The following XPR1 variants were observed in gnomAD, a reference collection of about 807,000 sequenced individuals.
XPR1 encodes the protein solute carrier family 53 member 1.
XPR1 carries 28 observed loss-of-function variants against 87.5 expected under a neutral mutation model. The ratio of observed to expected loss-of-function variants is 0.32; its 90% CI spans 0.24 to 0.44. The LOEUF is 0.44. Among genes scored for constraint, XPR1 ranks in the 20% least tolerant of loss-of-function variants. The probability of loss-of-function intolerance (pLI) is 1.00; values close to 1 mark genes in which losing one functional copy is unlikely to be tolerated. For missense variants in XPR1, 559 were observed against 862.3 expected, an observed-to-expected ratio of 0.65 and a Z score of 4.41; for synonymous variants, 300 against 306.1, an observed-to-expected ratio of 0.98 and a Z score of 0.21.
chr1:180,840,178 G>T (rs915591627), intron 11 of XPR1, among the ~76,000 whole-genome samples: 29 of 142,792 alleles, frequency 2.0e-4, no homozygotes, highest in Admixed American at 7.3e-4. Context: ...AGCCGAGATT[G>T]CGCCACTGCA....
Position 180,880,062 on chromosome 1 carries a change from C to T in XPR1, c.1809-14C>T. The T allele has an allele frequency of 1.9e-6, 3 of 1,613,808 alleles. No homozygotes were observed. Among genetic ancestry groups the T allele is most frequent in the Non-Finnish European group, 2.5e-6 (3 of 1,179,834 alleles). ...CAATTTCATAAGTACTTTGATCTAC[C>T]CCATTTTGCTAAGGCGATTTGTGTG... On this transcript the variant is annotated splice_polypyrimidine_tract_variant and intron_variant, in intron 13 of 14. Coordinates refer to ENST00000367590, the MANE Select transcript of XPR1 (RefSeq NM_004736.4).
chr1:180,865,810 C>T (rs73045796), intron 12 of XPR1, among the ~76,000 whole-genome samples: 6,547 of 152,116 alleles, frequency 0.043, 501 homozygotes, highest in African/African-American at 0.15. Flanking sequence ...AGTTTCTTTG[C>T]TGTTACATAT....
intron 3 of XPR1, among the ~76,000 whole-genome samples, chr1:180,791,874 A>C (rs1649404540): frequency 6.6e-6 from 1 of 152,204 alleles, no homozygotes; most frequent in Non-Finnish European, 1.5e-5. Flanking sequence ...GTCGCTTCTC[A>C]AAAATAATTT....
chr1:180,694,838 A>G (rs1032303622), intron 2 of XPR1, among the ~76,000 whole-genome samples: 1 of 151,928 alleles, frequency 6.6e-6, no homozygotes, highest in Non-Finnish European at 1.5e-5. Flanking sequence ...TGTTGATTCC[A>G]TATCTTGGCT....
At chr1:180,633,081 A>C (rs908705325) in intron 1 of XPR1, among the ~76,000 whole-genome samples, 33 of 152,192 alleles carry the variant, frequency 2.2e-4, no homozygotes, top group East Asian at 9.6e-4. Flanking sequence ...TATTGTAAAC[A>C]ATATACCTTA....
At chr1:180,722,559 A>C (rs1658210334) in intron 2 of XPR1, among the ~76,000 whole-genome samples, 1 of 152,216 alleles carries the variant, frequency 6.6e-6, no homozygotes, top group Non-Finnish European at 1.5e-5. Context: ...ACATATAATG[A>C]AACTTAGTTG....
chr1:180,701,341 T>G (rs1247210889), intron 2 of XPR1, among the ~76,000 whole-genome samples: 1 of 86,486 alleles, frequency 1.2e-5, no homozygotes, highest in Non-Finnish European at 2.1e-5. Context: ...CAGAATGATA[T>G]TGGCTGTGGG....
intron 1 of XPR1, among the ~76,000 whole-genome samples, chr1:180,639,105 T>C (rs1432949532): frequency 6.6e-6 from 1 of 152,188 alleles, no homozygotes; most frequent in Non-Finnish European, 1.5e-5. Context: ...GAGACCAGCC[T>C]GGCCAACATG....
intron 2 of XPR1, among the ~76,000 whole-genome samples, chr1:180,774,764 C>T (rs1648647528): frequency 6.6e-6 from 1 of 152,080 alleles, no homozygotes; most frequent in South Asian, 2.1e-4. Flanking sequence ...AATGTGTTTT[C>T]TCTTTAGCTA....
chr1:180,678,822 T>TC (rs1382347757), intron 1 of XPR1, among the ~76,000 whole-genome samples: 1 of 152,150 alleles, frequency 6.6e-6, no homozygotes, highest in Admixed American at 6.5e-5. Context: ...TGGACTTGAG[T>TC]ATCTGTACTC....
intron 10 of XPR1, among the ~76,000 whole-genome samples, chr1:180,836,040 C>T (rs1043284019): frequency 7.9e-5 from 12 of 152,106 alleles, no homozygotes; most frequent in African/African-American, 2.9e-4. Flanking sequence ...TTTACCTTCT[C>T]TCCTTGACTT....
chr1:180,779,245 C>T (rs533880554), intron 2 of XPR1, among the ~76,000 whole-genome samples: 162 of 152,252 alleles, frequency 1.1e-3, no homozygotes, highest in African/African-American at 3.7e-3. Flanking sequence ...TCTTCATTCA[C>T]TTTTTATAGT....
intron 2 of XPR1, among the ~76,000 whole-genome samples, chr1:180,738,133 T>A (rs1658788920): frequency 6.6e-6 from 1 of 152,176 alleles, no homozygotes; most frequent in Non-Finnish European, 1.5e-5. Flanking sequence ...TGCGTCAGCC[T>A]CCCGAGTAGC....
At chr1:180,740,123 A>G (rs1658867650) in intron 2 of XPR1, among the ~76,000 whole-genome samples, 1 of 152,104 alleles carries the variant, frequency 6.6e-6, no homozygotes, top group African/African-American at 2.4e-5. Context: ...CATCTTGTCT[A>G]CAGTTTTATG....
At chr1:180,679,366 G>A (rs781360164) in intron 1 of XPR1, among the ~76,000 whole-genome samples, 1 of 152,172 alleles carries the variant, frequency 6.6e-6, no homozygotes, top group Non-Finnish European at 1.5e-5. Flanking sequence ...GGTGAGGATT[G>A]ATACTGTTAT....
chr1:180,840,612 C>A (rs1420993082), intron 11 of XPR1, among the ~76,000 whole-genome samples: 1 of 143,932 alleles, frequency 6.9e-6, no homozygotes, highest in African/African-American at 2.5e-5. Flanking sequence ...ATTTTTTGCC[C>A]ACAGTAAAAG....
At chr1:180,768,107 G>A (rs1244525146) in intron 2 of XPR1, among the ~76,000 whole-genome samples, 2 of 152,082 alleles carry the variant, frequency 1.3e-5, no homozygotes, top group Non-Finnish European at 1.5e-5. Flanking sequence ...GCCTCCCAAC[G>A]TGCTGGGATT....
chr1:180,702,450 G>T (rs964745520), intron 2 of XPR1, among the ~76,000 whole-genome samples: 4 of 151,514 alleles, frequency 2.6e-5, no homozygotes, highest in Non-Finnish European at 4.4e-5. Flanking sequence ...ATGTCTATTA[G>T]GTCTGCTTGG....
chr1:180,887,322 CAAAG>C lies in XPR1; in HGVS notation c.*3257_*3260del, dbSNP rs1469778693. The C allele has an allele frequency of 1.3e-5, 2 of 152,120 alleles. No individual in the cohort carries two copies. Among genetic ancestry groups the C allele is most frequent in the African/African-American group, 4.8e-5 (2 of 41,410 alleles). The allele number at this position is 152,120 out of a possible 1,614,324, so 9.4% of individuals were successfully genotyped here. A position where few individuals can be genotyped will look rare whatever the true frequency, so the allele number is the denominator to read the frequency against. On this transcript the variant is annotated 3_prime_UTR_variant, in exon 15 of 15. Coordinates refer to ENST00000367590, the MANE Select transcript of XPR1 (RefSeq NM_004736.4). The stretch of plus-strand genomic sequence containing the variant: ...TTTTAATATCAATTAAAATAGTCCT[CAAAG>C]GAATGAAGAGGAAGTCTAAATAAAT...
Sources: gnomAD v4.1 joint callset for allele counts (sites outside exome capture counted in the v4.1 genomes callset) on GRCh38, gnomAD v4.1.1 for gene constraint, MANE v1.5 for transcripts, NCBI Gene and HGNC (gene_info 2026-07-23, HGNC 2026-07-21) for gene names.